PDE9A: variants seen among roughly 807,000 people sequenced by gnomAD.
PDE9A encodes the protein phosphodiesterase 9A, also known as high affinity cGMP-specific 3',5'-cyclic phosphodiesterase 9A.
Under a neutral mutation model 87.4 loss-of-function variants are expected in PDE9A, and 60 were observed. The ratio of observed to expected loss-of-function variants is 0.69; its 90% CI spans 0.56 to 0.85. The LOEUF (loss-of-function observed/expected upper bound fraction) is 0.85, where lower values mean the gene tolerates loss of function less well. Among genes scored for constraint, PDE9A ranks in the 40% least tolerant of loss-of-function variants. The pLI is 0.00. For synonymous variants in PDE9A, 272 were observed against 279.4 expected, an observed-to-expected ratio of 0.97 and a Z score of 0.27; for missense variants, 665 against 779.0, an observed-to-expected ratio of 0.85 and a Z score of 1.74.
chr21:42,715,154 T>C (rs2049759990), intron 4 of PDE9A, among the ~76,000 whole-genome samples: 1 of 151,732 alleles, frequency 6.6e-6, no homozygotes, highest in Non-Finnish European at 1.5e-5. Flanking sequence ...TTATTTTTCC[T>C]CGGCTGTTGT....
At chr21:42,663,376 G>A (rs2057738889) in intron 1 of PDE9A, among the ~76,000 whole-genome samples, 1 of 152,194 alleles carries the variant, frequency 6.6e-6, no homozygotes, top group African/African-American at 2.4e-5. Flanking sequence ...AGAGAAGTCA[G>A]CAGAGCCCCT....
Position 42,760,177 on chromosome 21 carries a change from C to G in PDE9A, c.898-151C>G. The stretch of plus-strand genomic sequence containing the variant: ...GGGTCCCTGTGTCACCTCATTGGTA[C>G]CTGTGGTAAACCTGGAACACTGTTG... On this transcript the variant is annotated intron_variant, in intron 11 of 19. Transcript: ENST00000291539. The surrounding 1 kb of genome is among the most constrained non-coding windows in gnomAD (Gnocchi z 5.2). The G allele has an allele frequency of 1.6e-6, 1 of 623,336 alleles. No individual in the cohort carries two copies. The highest frequency in any genetic ancestry group is 2.3e-5 in the Admixed American group (1 of 44,376). The allele number at this position is 623,336 out of a possible 1,614,324, so 38.6% of individuals were successfully genotyped here.
At position 42,689,248 on chromosome 21, in the gene PDE9A, C is replaced by T. The variant is rs377435002; in HGVS notation, c.218+1254C>T. On this transcript the variant is annotated intron_variant, in intron 3 of 19. Transcript: ENST00000291539. ...CCTGGTCAGCCGTCCTCCCTGTCAC[C>T]TTGAGGCCTCAGCCGAGCTCCTCTC... Among the ~76,000 whole-genome samples, 20 of 152,352 alleles carry T rather than the reference C, an allele frequency of 1.3e-4. No individual in the cohort carries two copies. The South Asian group carries it at 1.9e-3, about 14-fold the overall frequency.
intron 4 of PDE9A, among the ~76,000 whole-genome samples, chr21:42,718,019 C>T (rs2050127607): frequency 6.6e-6 from 1 of 151,574 alleles, no homozygotes; most frequent in Non-Finnish European, 1.5e-5. Flanking sequence ...TCCTGATTCT[C>T]CTGCCTCAGC....
rs977455848 is a variant in PDE9A, at chr21:42,675,559, G to A, written c.70-10633G>A. ...CTGTGAGTCAAAGGGCACAAATACC[G>A]CCAACCTGCTTTCCGACAGCGCTGT... On this transcript the variant is annotated intron_variant, in intron 1 of 19. Transcript: ENST00000291539. This position sits in a 1 kb window ranked among gnomAD's most constrained non-coding sequence, Gnocchi z 4.3. Among the ~76,000 whole-genome samples, 4 of 152,214 alleles carry A rather than the reference G, an allele frequency of 2.6e-5. No homozygotes were observed. Among genetic ancestry groups the A allele is most frequent in the Admixed American group, 6.5e-5 (1 of 15,284 alleles).
chr21:42,747,979 G>A (rs540740304), intron 8 of PDE9A, among the ~76,000 whole-genome samples: 4 of 152,284 alleles, frequency 2.6e-5, no homozygotes, highest in South Asian at 2.1e-4. Flanking sequence ...GCAGCGGAGC[G>A]CAGAGAGAGG....
chr21:42,755,071 A>G (rs1419134157), intron 10 of PDE9A, among the ~76,000 whole-genome samples: 1 of 152,210 alleles, frequency 6.6e-6, no homozygotes, highest in East Asian at 1.9e-4. Context: ...TCACACCCCA[A>G]AAAATGAAAA....
intron 7 of PDE9A, among the ~76,000 whole-genome samples, chr21:42,740,754 A>AGGAT (rs2053144276): frequency 1.0e-5 from 1 of 98,482 alleles, no homozygotes; most frequent in Non-Finnish European, 2.1e-5. Context: ...ATAGATAAAC[A>AGGAT]GGATAGATAG....
chr21:42,681,677 C>T (rs545345756), intron 1 of PDE9A, among the ~76,000 whole-genome samples: 1 of 152,306 alleles, frequency 6.6e-6, no homozygotes, highest in South Asian at 2.1e-4. Flanking sequence ...TTTAATATCA[C>T]AGCACTGCCA....
At chr21:42,668,108 C>A (rs548251835) in intron 1 of PDE9A, among the ~76,000 whole-genome samples, 2 of 152,294 alleles carry the variant, frequency 1.3e-5, no homozygotes, top group Non-Finnish European at 2.9e-5. Flanking sequence ...TCACCCATGT[C>A]CAGCCACACC....
intron 1 of PDE9A, among the ~76,000 whole-genome samples, chr21:42,657,999 A>G (rs1422564974): frequency 6.6e-6 from 1 of 152,242 alleles, no homozygotes; most frequent in Non-Finnish European, 1.5e-5. Flanking sequence ...GAAAGTGTTC[A>G]AGCGTCCGCA....
intron 15 of PDE9A, 53 bp from the exon 16 acceptor site, chr21:42,768,135 G>T: frequency 1.0e-6 from 1 of 997,616 alleles, no homozygotes. Flanking sequence ...AGCAGCAGCA[G>T]CAGGCCCGTG....
chr21:42,706,071 A>AGGCT lies in PDE9A; in HGVS notation c.262+7070_262+7073dup, dbSNP rs1312457311. Among the ~76,000 whole-genome samples, 6 of 152,218 alleles carry AGGCT rather than the reference A, an allele frequency of 3.9e-5. 1 individual carries two copies. In the South Asian group the frequency reaches 8.3e-4, roughly 21 times the overall value. On this transcript the variant is annotated intron_variant, in intron 4 of 19. Transcript: ENST00000291539. Reference sequence around the variant, plus strand: ...GAGGCCGGCGGCCGGCAGGGTGGGCAGGCTGGCTGGCTGTGCCCCACAACA... The same window carrying AGGCT: ...GAGGCCGGCGGCCGGCAGGGTGGGCAGGCTGGCTGGCTGGCTGTGCCCCACAACA...
At chr21:42,774,743 G>A (rs1470594122) in intron 19 of PDE9A, among the ~76,000 whole-genome samples, 5 of 151,686 alleles carry the variant, frequency 3.3e-5, no homozygotes, top group Non-Finnish European at 7.4e-5. Flanking sequence ...TTAGCCAGCT[G>A]TAGTGGCGTG....
chr21:42,767,383 G>A (rs1404063048), intron 15 of PDE9A, among the ~76,000 whole-genome samples: 1 of 152,118 alleles, frequency 6.6e-6, no homozygotes, highest in Non-Finnish European at 1.5e-5. Context: ...CTCTGATCTG[G>A]AGCCGGACTC....
Position 42,765,382 on chromosome 21 carries a change from G to T in PDE9A, c.1244G>T (p.Gly415Val), listed in dbSNP as rs201281940. The change falls in exon 15 of 20, where the codon GGA becomes GTA. Residue 415 changes from glycine to valine, a missense_variant and splice_region_variant. By Grantham distance (109) the Gly-to-Val change is moderately radical. Coordinates refer to ENST00000291539, the MANE Select transcript of PDE9A (RefSeq NM_002606.3). ...PPDGFKQIRQ[G>V]MITLILATDM... ...ACACGTTGTTCTCTCGCTATTTAGG[G>T]AATGATCACATTAATCTTGGCCACT... 649 of 1,573,504 alleles carry T rather than the reference G, an allele frequency of 4.1e-4. No homozygotes were observed. Among genetic ancestry groups the T allele is most frequent in the Non-Finnish European group, 5.5e-4 (633 of 1,143,512 alleles).
intron 4 of PDE9A, among the ~76,000 whole-genome samples, chr21:42,727,036 A>C (rs868704719): frequency 2.4e-4 from 36 of 147,468 alleles, no homozygotes; most frequent in African/African-American, 7.8e-4. Flanking sequence ...ATTCTTGTGA[A>C]TCCTTTCCCT....
chr21:42,688,360 G>A (rs1056635111), intron 3 of PDE9A, among the ~76,000 whole-genome samples: 45 of 152,126 alleles, frequency 3.0e-4, no homozygotes, highest in African/African-American at 1.1e-3. Flanking sequence ...GAGCCCCTGG[G>A]GACATTTCGT....
At chr21:42,727,489 A>ATTTTGTTTTTT (rs2051254298) in intron 4 of PDE9A, among the ~76,000 whole-genome samples, 1 of 88,340 alleles carries the variant, frequency 1.1e-5, no homozygotes. Context: ...ACGCCTGGCT[A>ATTTTGTTTTTT]TTTTTTTTTT....
Sources: allele counts gnomAD v4.1 joint callset (sites outside exome capture counted in the v4.1 genomes callset), GRCh38; gene constraint gnomAD v4.1.1; non-coding constraint Gnocchi (gnomAD v3.1); transcripts MANE v1.5; gene names NCBI Gene and HGNC (gene_info 2026-07-23, HGNC 2026-07-21).